SLIT3: variants seen among roughly 807,000 people sequenced by gnomAD.
SLIT3 encodes the protein slit homolog 3 protein.
SLIT3 carries 68 observed loss-of-function variants against 184.0 expected under a neutral mutation model. The ratio of observed to expected loss-of-function variants is 0.37; its 90% CI spans 0.30 to 0.45. The LOEUF (loss-of-function observed/expected upper bound fraction) is 0.45, where lower values mean the gene tolerates loss of function less well. Among genes scored for constraint, SLIT3 ranks in the 20% least tolerant of loss-of-function variants. SLIT3 has a pLI of 1.00. For synonymous variants in SLIT3, 831 were observed against 828.6 expected, an observed-to-expected ratio of 1.00 and a Z score of -0.05; for missense variants, 1,707 against 2,026.0, an observed-to-expected ratio of 0.84 and a Z score of 3.02.
At chr5:168,968,535 T>C (rs62377235) in intron 4 of SLIT3, among the ~76,000 whole-genome samples, 6,037 of 152,312 alleles carry the variant, frequency 0.04, 157 homozygotes, top group Middle Eastern at 0.065. Context: ...TCCTATGAAC[T>C]TGTGTATACC....
intron 4 of SLIT3, among the ~76,000 whole-genome samples, chr5:169,020,492 T>C (rs1756558539): frequency 6.6e-6 from 1 of 152,224 alleles, no homozygotes. Context: ...GGTCTCTTAA[T>C]CATTACTTGG....
chr5:169,251,472 G>A lies in SLIT3; in HGVS notation c.198-13C>T, dbSNP rs1489538674. Reference sequence around the variant, plus strand: ...TCTGTCCAGGTCACTGCAATGGAGAGCAAATTCAGGTCAGATTTTTGTGGG... The same window carrying A: ...TCTGTCCAGGTCACTGCAATGGAGAACAAATTCAGGTCAGATTTTTGTGGG... On this transcript the variant is annotated splice_polypyrimidine_tract_variant and intron_variant, in intron 1 of 35. Transcript: ENST00000519560. 4 of 1,589,304 alleles carry A rather than the reference G, an allele frequency of 2.5e-6. No individual in the cohort carries two copies. Among genetic ancestry groups the A allele is most frequent in the Non-Finnish European group, 3.5e-6 (4 of 1,157,630 alleles).
intron 3 of SLIT3, among the ~76,000 whole-genome samples, chr5:169,240,535 G>T (rs1161128662): frequency 6.9e-6 from 1 of 145,890 alleles, no homozygotes; most frequent in Non-Finnish European, 1.5e-5. Context: ...ATCTTTAATA[G>T]AGTGACACTA....
intron 20 of SLIT3, among the ~76,000 whole-genome samples, chr5:168,738,429 G>A (rs540397953): frequency 9.9e-4 from 151 of 152,260 alleles, no homozygotes; most frequent in Non-Finnish European, 1.8e-3. Flanking sequence ...TTAATGTCCC[G>A]TATGACAAAA....
intron 4 of SLIT3, among the ~76,000 whole-genome samples, chr5:169,073,960 G>T (rs924954884): frequency 1.3e-5 from 2 of 152,190 alleles, no homozygotes; most frequent in Non-Finnish European, 2.9e-5. Flanking sequence ...TTGCAGTAAG[G>T]GGAGGGACAC....
chr5:168,726,012 T>G (rs1198704390), intron 20 of SLIT3, among the ~76,000 whole-genome samples: 2 of 152,160 alleles, frequency 1.3e-5, no homozygotes, highest in African/African-American at 2.4e-5. Flanking sequence ...TAATAAGGTC[T>G]TAGGTGGCCA....
chr5:169,042,847 T>C (rs1417745095), intron 4 of SLIT3, among the ~76,000 whole-genome samples: 1 of 152,122 alleles, frequency 6.6e-6, no homozygotes, highest in Non-Finnish European at 1.5e-5. Flanking sequence ...AAATGAGCTA[T>C]AAAAACAAGA....
chr5:168,712,223 G>T, intron 24 of SLIT3, 60 bp downstream of exon 24: 1 of 1,435,604 alleles, frequency 7.0e-7, no homozygotes, highest in Non-Finnish European at 9.8e-7. Flanking sequence ...TGACATTGTC[G>T]CTGACACTTT....
At chr5:168,950,967 TC>T (rs1762632495) in intron 4 of SLIT3, among the ~76,000 whole-genome samples, 1 of 152,222 alleles carries the variant, frequency 6.6e-6, no homozygotes, top group African/African-American at 2.4e-5. Context: ...ATGCCTGTAA[TC>T]CCAGCACTTT....
chr5:168,878,717 C>CTCT (rs72018089), intron 5 of SLIT3, among the ~76,000 whole-genome samples: 2 of 140,752 alleles, frequency 1.4e-5, no homozygotes, highest in Non-Finnish European at 3.1e-5. Context: ...CAGTTTCTTC[C>CTCT]TTTTTTTTTT....
At chr5:169,031,468 G>T (rs1757023761) in intron 4 of SLIT3, among the ~76,000 whole-genome samples, 1 of 152,156 alleles carries the variant, frequency 6.6e-6, no homozygotes, top group African/African-American at 2.4e-5. Flanking sequence ...TCTGTTTGTT[G>T]CATGAAAGAG....
chr5:169,175,023 C>T (rs971209201), intron 4 of SLIT3, among the ~76,000 whole-genome samples: 25 of 152,324 alleles, frequency 1.6e-4, no homozygotes, highest in African/African-American at 6.0e-4. Context: ...ATGGCAAATA[C>T]TTCAAAGGCA....
intron 31 of SLIT3, among the ~76,000 whole-genome samples, chr5:168,684,397 C>T (rs891678262): frequency 1.2e-4 from 19 of 152,368 alleles, no homozygotes; most frequent in Admixed American, 8.5e-4. Flanking sequence ...TGCCCTCTCC[C>T]TCTGGTGCAT....
intron 4 of SLIT3, among the ~76,000 whole-genome samples, chr5:169,003,462 T>C (rs1755794053): frequency 6.6e-6 from 1 of 152,204 alleles, no homozygotes; most frequent in South Asian, 2.1e-4. Context: ...CCCTAGTTCT[T>C]TTCAGAGGCT....
chr5:169,256,261 G>A (rs1765956619), intron 1 of SLIT3, among the ~76,000 whole-genome samples: 1 of 152,134 alleles, frequency 6.6e-6, no homozygotes, highest in South Asian at 2.1e-4. Context: ...ACTGGACTGG[G>A]CAACATAGCA....
chr5:169,101,980 C>T (rs542420618), intron 4 of SLIT3, among the ~76,000 whole-genome samples: 10 of 152,322 alleles, frequency 6.6e-5, no homozygotes, highest in African/African-American at 1.4e-4. Flanking sequence ...GACCATTCAG[C>T]GCCACAGTTC....
Position 168,710,885 on chromosome 5 carries a change from C to T in SLIT3, c.2719+10G>A, listed in dbSNP as rs1193966704. 28 of 1,511,830 alleles carry T rather than the reference C, an allele frequency of 1.9e-5. No individual in the cohort carries two copies. Among genetic ancestry groups the T allele is most frequent in the East Asian group, 4.9e-5 (2 of 40,556 alleles). The allele number at this position is 1,511,830 out of a possible 1,614,324, so 93.7% of individuals were successfully genotyped here. On this transcript the variant is annotated intron_variant, in intron 25 of 35. Transcript: ENST00000519560. ...GGGGCAGGGGAGGGTGGGGTGTGGG[C>T]GTCACCTACCTTTGCACTGGAAGCG...
chr5:168,825,142 G>T (rs1214126495), intron 6 of SLIT3, among the ~76,000 whole-genome samples: 1 of 152,166 alleles, frequency 6.6e-6, no homozygotes, highest in Admixed American at 6.5e-5. Context: ...TTAGCATGGG[G>T]TATGTGCTCA....
intron 4 of SLIT3, among the ~76,000 whole-genome samples, chr5:168,957,018 C>T (rs1350443252): frequency 1.3e-5 from 2 of 151,552 alleles, no homozygotes; most frequent in Non-Finnish European, 2.9e-5. Flanking sequence ...CACCTGAGGT[C>T]AGGAGTTCGA....
Sources: allele counts gnomAD v4.1 joint callset (sites outside exome capture counted in the v4.1 genomes callset), GRCh38; gene constraint gnomAD v4.1.1; transcripts MANE v1.5; gene names NCBI Gene and HGNC (gene_info 2026-07-23, HGNC 2026-07-21).